CTNND2: variants seen among roughly 807,000 people sequenced by gnomAD.
CTNND2 encodes catenin delta-2.
Under a neutral mutation model 144.4 loss-of-function variants are expected in CTNND2, and 22 were observed. The observed-to-expected ratio is 0.15, with a 90% CI of 0.11 to 0.22. CTNND2 has a LOEUF of 0.22. CTNND2 is among the 10% of genes least tolerant of loss of function. The probability of loss-of-function intolerance (pLI) is 1.00; values close to 1 mark genes in which losing one functional copy is unlikely to be tolerated. For missense variants in CTNND2, 1,353 were observed against 1,618.8 expected (o/e 0.84, Z 2.82); for synonymous variants, 751 against 695.6 (o/e 1.08, Z -1.25).
chr5:11,748,411 G>T (rs1049013617), intron 1 of CTNND2, among the ~76,000 whole-genome samples: 6 of 151,886 alleles, frequency 4.0e-5, no homozygotes, highest in Admixed American at 2.0e-4. Flanking sequence ...CTCATTTTTT[G>T]TATATAATCA....
intron 16 of CTNND2, chr5:11,027,175 TCA>T (rs1358618839): frequency 3.3e-5 from 5 of 152,172 alleles, no homozygotes; most frequent in Non-Finnish European, 4.4e-5. Context: ...TATCATGGAC[TCA>T]CATCTGAAAA....
intron 9 of CTNND2, among the ~76,000 whole-genome samples, chr5:11,278,158 G>T (rs1397658248): frequency 6.6e-6 from 1 of 151,970 alleles, no homozygotes; most frequent in African/African-American, 2.4e-5. Flanking sequence ...TCCATCAAGG[G>T]TCTCAAGGGA....
At chr5:11,623,588 A>G (rs1050067965) in intron 2 of CTNND2, among the ~76,000 whole-genome samples, 1 of 151,852 alleles carries the variant, frequency 6.6e-6, no homozygotes, top group African/African-American at 2.4e-5. Flanking sequence ...TAATACACCC[A>G]TCTCACATGC....
At chr5:11,504,052 A>T (rs745881235) in intron 3 of CTNND2, among the ~76,000 whole-genome samples, 1 of 152,276 alleles carries the variant, frequency 6.6e-6, no homozygotes, top group African/African-American at 2.4e-5. Context: ...CGTACAAAAC[A>T]TAGAGAGTGC....
intron 9 of CTNND2, among the ~76,000 whole-genome samples, chr5:11,254,191 G>A (rs1375393779): frequency 2.0e-5 from 3 of 152,168 alleles, no homozygotes; most frequent in Non-Finnish European, 2.9e-5. Flanking sequence ...AACATTAGTA[G>A]TCAATCCACT....
intron 2 of CTNND2, among the ~76,000 whole-genome samples, chr5:11,567,171 T>A (rs1049810800): frequency 2.6e-5 from 4 of 152,228 alleles, no homozygotes; most frequent in East Asian, 1.9e-4. Context: ...ATTTTTTTTT[T>A]AATTGAGATG....
At chr5:11,375,339 A>T (rs1757833865) in intron 7 of CTNND2, among the ~76,000 whole-genome samples, 1 of 152,236 alleles carries the variant, frequency 6.6e-6, no homozygotes. Flanking sequence ...AGCTTCACAG[A>T]TTAGTAATTC....
At chr5:11,040,530 T>C (rs1744593965) in intron 16 of CTNND2, among the ~76,000 whole-genome samples, 1 of 152,204 alleles carries the variant, frequency 6.6e-6, no homozygotes, top group Non-Finnish European at 1.5e-5. Flanking sequence ...GGGAATTCAC[T>C]GAATTAGATT....
At chr5:11,078,836 A>G (rs977051410) in intron 16 of CTNND2, among the ~76,000 whole-genome samples, 1 of 146,074 alleles carries the variant, frequency 6.8e-6, no homozygotes, top group African/African-American at 2.5e-5. Context: ...GACCTACTTT[A>G]GATATACCAG....
chr5:11,516,976 A>T (rs1487731309), intron 3 of CTNND2, among the ~76,000 whole-genome samples: 4 of 152,220 alleles, frequency 2.6e-5, no homozygotes, highest in African/African-American at 7.2e-5. Flanking sequence ...TTACTACTAT[A>T]TAAATTGAAT....
intron 9 of CTNND2, among the ~76,000 whole-genome samples, chr5:11,257,253 CTT>C (rs1482499343): frequency 1.3e-5 from 2 of 152,054 alleles, no homozygotes; most frequent in South Asian, 2.1e-4. Flanking sequence ...GCAATTACCT[CTT>C]GTTTCCTTGG....
intron 5 of CTNND2, among the ~76,000 whole-genome samples, chr5:11,409,764 T>G (rs1378399279): frequency 6.6e-6 from 1 of 152,084 alleles, no homozygotes; most frequent in Non-Finnish European, 1.5e-5. Flanking sequence ...ACTTTGACCA[T>G]TCCTTTAATT....
At chr5:11,865,902 C>CAAAAA (rs56310600) in intron 1 of CTNND2, among the ~76,000 whole-genome samples, 1,812 of 87,408 alleles carry the variant, frequency 0.021, 113 homozygotes, top group African/African-American at 0.048. Context: ...CTGGAAGAGA[C>CAAAAA]AAAAAAAAAA....
intron 9 of CTNND2, among the ~76,000 whole-genome samples, chr5:11,312,261 T>A (rs978582816): frequency 5.0e-5 from 7 of 140,824 alleles, no homozygotes; most frequent in Non-Finnish European, 1.1e-4. Flanking sequence ...TCCTCATACA[T>A]CCTCTCCCCC....
intron 13 of CTNND2, among the ~76,000 whole-genome samples, chr5:11,112,255 TGGATTGTTCG>T (rs1012002811): frequency 5.3e-5 from 8 of 152,192 alleles, no homozygotes; most frequent in African/African-American, 1.9e-4. Context: ...GGAGGTTATC[TGGATTGTTCG>T]GGTGGGCCTG....
chr5:11,344,612 A>G (rs993576086), intron 9 of CTNND2, among the ~76,000 whole-genome samples: 5 of 151,998 alleles, frequency 3.3e-5, no homozygotes, highest in African/African-American at 1.2e-4. Flanking sequence ...GGATGAACTT[A>G]TAATTCATAT....
At chr5:11,708,115 TG>T (rs1412260604) in intron 2 of CTNND2, among the ~76,000 whole-genome samples, 1 of 151,974 alleles carries the variant, frequency 6.6e-6, no homozygotes, top group Admixed American at 6.6e-5. Context: ...GGTGTGTTCT[TG>T]GCTCACTACA....
Position 11,072,903 on chromosome 5 carries a change from C to T in CTNND2, c.2788+9793G>A, listed in dbSNP as rs556077200. The stretch of plus-strand genomic sequence containing the variant: ...CTGGCTGTCCCCTCCCTGCTGTCTG[C>T]CTCCTTCTCTTCTAACTGCCTTATG... On this transcript the variant is annotated intron_variant, in intron 16 of 21. Coordinates refer to ENST00000304623, the MANE Select transcript of CTNND2 (RefSeq NM_001332.4). 2.2e-3 allele frequency among the ~76,000 whole-genome samples: 332 copies of T among 152,340 alleles called. 2 individuals are homozygous for T. The highest frequency in any genetic ancestry group is 7.7e-3 in the African/African-American group (319 of 41,590).
At chr5:11,523,575 G>A (rs1160895859) in intron 3 of CTNND2, among the ~76,000 whole-genome samples, 2 of 152,208 alleles carry the variant, frequency 1.3e-5, no homozygotes, top group Non-Finnish European at 2.9e-5. Context: ...AGAGGCTGGA[G>A]TCCACGTTTC....
Sources: allele counts gnomAD v4.1 joint callset (sites outside exome capture counted in the v4.1 genomes callset), GRCh38; gene constraint gnomAD v4.1.1; transcripts MANE v1.5; gene names NCBI Gene and HGNC (gene_info 2026-07-23, HGNC 2026-07-21).